GGNBP2: variants seen among roughly 807,000 people sequenced by gnomAD.
GGNBP2 encodes the protein gametogenetin binding protein 2.
GGNBP2 carries 10 observed loss-of-function variants against 85.9 expected under a neutral mutation model. That is an observed-to-expected ratio of 0.12 (90% CI 0.07 to 0.20). The LOEUF (loss-of-function observed/expected upper bound fraction) is 0.20. GGNBP2 is among the 10% of genes least tolerant of loss of function. GGNBP2 has a pLI of 1.00. For synonymous variants in GGNBP2, 287 were observed against 285.7 expected (o/e 1.00, Z -0.05); for missense variants, 595 against 857.8 (o/e 0.69, Z 3.83).
chr17:36,586,963 T>C (rs777855103), intron 12 of GGNBP2, 34 bp from the exon 13 acceptor site: 5 of 1,596,926 alleles, frequency 3.1e-6, no homozygotes, highest in Non-Finnish European at 4.3e-6. Context: ...ATATCATGCC[T>C]TTTTACCTGT....
chr17:36,579,978 C>G (rs1265276975), intron 8 of GGNBP2, among the ~76,000 whole-genome samples: 1 of 151,966 alleles, frequency 6.6e-6, no homozygotes, highest in Non-Finnish European at 1.5e-5. Context: ...TCACTGCACT[C>G]CAGCCTGGGC....
chr17:36,580,193 C>G (rs932983579), intron 8 of GGNBP2, among the ~76,000 whole-genome samples: 2 of 149,076 alleles, frequency 1.3e-5, no homozygotes, highest in Non-Finnish European at 3.0e-5. Context: ...ATTTTTCTTT[C>G]TTTCTTTTCT....
intron 6 of GGNBP2, chr17:36,574,747 C>T (rs1324641348): frequency 1.3e-5 from 8 of 627,474 alleles, no homozygotes; most frequent in Non-Finnish European, 1.7e-5. Context: ...TGCCTCTGGG[C>T]GTAGGGATGA....
chr17:36,559,699 A>G (rs1381880403), intron 4 of GGNBP2, among the ~76,000 whole-genome samples: 3 of 152,224 alleles, frequency 2.0e-5, no homozygotes, highest in African/African-American at 7.2e-5. Flanking sequence ...AGGTGCAGCA[A>G]GGAGACCATT....
chr17:36,563,583 T>A (rs915252677), intron 5 of GGNBP2, among the ~76,000 whole-genome samples: 3 of 148,530 alleles, frequency 2.0e-5, no homozygotes, highest in African/African-American at 7.8e-5. Context: ...ATTTTACCTG[T>A]TTCTGGTTTT....
chr17:36,554,352 A>ATTTTTTTTTTTTTTTTTTTT (rs780217291), intron 2 of GGNBP2, among the ~76,000 whole-genome samples: 3 of 44,506 alleles, frequency 6.7e-5, no homozygotes, highest in African/African-American at 1.1e-4. Flanking sequence ...ATGTACTTGA[A>ATTTTTTTTTTTTTTTTTTTT]TTTTTTTTTT....
At position 36,545,687 on chromosome 17, in the gene GGNBP2, A is replaced by T. The variant is rs1351912131; in HGVS notation, c.-38A>T. 1 of 1,475,012 alleles carries T rather than the reference A, an allele frequency of 6.8e-7. No homozygotes were observed. Among genetic ancestry groups the T allele is most frequent in the Non-Finnish European group, 9.3e-7 (1 of 1,078,914 alleles). The allele number at this position is 1,475,012 out of a possible 1,614,324, so 91.4% of individuals were successfully genotyped here. On this transcript the variant is annotated 5_prime_UTR_variant, in exon 2 of 14. Coordinates refer to ENST00000613102, the MANE Select transcript of GGNBP2 (RefSeq NM_024835.5). ...AGCGGCGGCGGCGGCGGCAGCTGGGAGGAGGTGGTGACGGTGGCAACGGCA... is the reference window on the plus strand; with the variant it reads ...AGCGGCGGCGGCGGCGGCAGCTGGGTGGAGGTGGTGACGGTGGCAACGGCA...
At chr17:36,575,247 C>T (rs189417388) in intron 6 of GGNBP2, 6,530 of 623,036 alleles carry the variant, frequency 0.01, 69 homozygotes, top group Middle Eastern at 0.015. Context: ...ATGCCACTGC[C>T]GAAACCTCCA....
intron 6 of GGNBP2, among the ~76,000 whole-genome samples, chr17:36,572,680 T>G (rs1048967434): frequency 6.6e-6 from 1 of 152,060 alleles, no homozygotes; most frequent in Non-Finnish European, 1.5e-5. Context: ...GGCAACAGAG[T>G]GAGACCCTGT....
chr17:36,581,542 A>G lies in GGNBP2; in HGVS notation c.1215+4A>G, dbSNP rs370796983. ...AAAGGAAGTAAGCCAAGAGAAGGTA[A>G]TATTTCTTAATATCAACTCTTAAGT... is the stretch of plus-strand genomic sequence containing the variant. On this transcript the variant is annotated splice_donor_region_variant and intron_variant, in intron 9 of 13. Transcript: ENST00000613102. 295 of 1,587,168 alleles carry G rather than the reference A, an allele frequency of 1.9e-4. 1 individual carries two copies. The African/African-American group carries it at 3.8e-3, about 20-fold the overall frequency.
intron 5 of GGNBP2, among the ~76,000 whole-genome samples, chr17:36,567,310 G>A (rs886097629): frequency 2.0e-5 from 3 of 152,126 alleles, no homozygotes; most frequent in African/African-American, 7.2e-5. Context: ...TTAATATAAA[G>A]TGAGTATGTA....
In GGNBP2 at chr17:36,581,608, G is replaced by C; in HGVS notation, c.1215+70G>C. The C allele has an allele frequency of 2.5e-6, 3 of 1,195,486 alleles. No homozygotes were observed. In the South Asian group the frequency reaches 4.5e-5, roughly 18 times the overall value. The allele number at this position is 1,195,486 out of a possible 1,614,324, so 74.1% of individuals were successfully genotyped here. A position where few individuals can be genotyped will look rare whatever the true frequency, so the allele number is the denominator to read the frequency against. ...GTAGATAGAAGTACAGGCCAGGTGTGGTGGCTCACGCCTGTGATCCCAGCA... is the reference window on the plus strand; with the variant it reads ...GTAGATAGAAGTACAGGCCAGGTGTCGTGGCTCACGCCTGTGATCCCAGCA... On this transcript the variant is annotated intron_variant, in intron 9 of 13. Transcript: ENST00000613102.
intron 6 of GGNBP2, among the ~76,000 whole-genome samples, chr17:36,569,756 CAT>C (rs1192190194): frequency 3.9e-5 from 6 of 152,170 alleles, no homozygotes; most frequent in Admixed American, 2.6e-4. Context: ...AGACACAAAA[CAT>C]ATATCCTTCC....
intron 5 of GGNBP2, among the ~76,000 whole-genome samples, chr17:36,566,939 G>A (rs545739299): frequency 1.1e-4 from 16 of 152,160 alleles, no homozygotes; most frequent in African/African-American, 3.6e-4. Context: ...GCTGAGGTGG[G>A]AGAATGGCTT....
chr17:36,588,082 G>A (rs1303516895), intron 13 of GGNBP2, among the ~76,000 whole-genome samples: 2 of 152,132 alleles, frequency 1.3e-5, no homozygotes, highest in Non-Finnish European at 2.9e-5. Flanking sequence ...TGAACTAGAG[G>A]TTGCTTTCTT....
intron 5 of GGNBP2, among the ~76,000 whole-genome samples, chr17:36,562,953 CAAAAAAAAAAAA>C (rs34799358): frequency 2.2e-4 from 9 of 40,516 alleles, no homozygotes; most frequent in African/African-American, 4.6e-4. Context: ...GACTCTGTCT[CAAAAAAAAAAAA>C]AAAAAAAAAA....
intron 2 of GGNBP2, chr17:36,546,115 C>T (rs1160847285): frequency 1.1e-5 from 5 of 436,118 alleles, no homozygotes; most frequent in Non-Finnish European, 2.0e-5. Context: ...GCACACATCT[C>T]AGAGAGGGGT....
chr17:36,584,471 G>A (rs1041906162), intron 9 of GGNBP2, among the ~76,000 whole-genome samples: 4 of 152,270 alleles, frequency 2.6e-5, no homozygotes, highest in Admixed American at 2.0e-4. Context: ...CTGAGTAGCT[G>A]GGATTACATG....
At chr17:36,558,207 A>G (rs930135279) in intron 4 of GGNBP2, among the ~76,000 whole-genome samples, 1 of 151,958 alleles carries the variant, frequency 6.6e-6, no homozygotes. Flanking sequence ...TGAGCTCAGG[A>G]GTTCAAGACT....
Sources: allele counts gnomAD v4.1 joint callset (sites outside exome capture counted in the v4.1 genomes callset), GRCh38; gene constraint gnomAD v4.1.1; transcripts MANE v1.5; gene names NCBI Gene and HGNC (gene_info 2026-07-23, HGNC 2026-07-21).